The following GLRB variants were observed in gnomAD, a reference collection of about 807,000 sequenced individuals.
GLRB encodes the protein glycine receptor subunit beta.
A neutral mutation model predicts 54.2 loss-of-function variants in GLRB; 33 were observed. The observed-to-expected ratio is 0.61, with a 90% CI of 0.46 to 0.81. GLRB has a LOEUF of 0.81. GLRB is among the 40% of genes least tolerant of loss of function. The pLI, the probability that GLRB is intolerant of heterozygous loss-of-function variation, is 0.00. For synonymous variants in GLRB, 209 were observed against 208.2 expected (o/e 1.00, Z -0.03); for missense variants, 572 against 584.6 (o/e 0.98, Z 0.22).
intron 4 of GLRB, among the ~76,000 whole-genome samples, chr4:157,128,124 G>C (rs889505759): frequency 6.6e-6 from 1 of 151,756 alleles, no homozygotes; most frequent in African/African-American, 2.4e-5. Flanking sequence ...ATTTTATTGA[G>C]TAATTACTTA....
At chr4:157,084,687 C>G in intron 2 of GLRB, 1 of 456,034 alleles carries the variant, frequency 2.2e-6, no homozygotes, top group Non-Finnish European at 4.4e-6. Context: ...CATTGAATGA[C>G]AGCATTTTCA....
intron 2 of GLRB, among the ~76,000 whole-genome samples, chr4:157,098,616 C>CT (rs34690906): frequency 0.028 from 4,218 of 150,640 alleles, 79 homozygotes; most frequent in Non-Finnish European, 0.046. Context: ...CTTTTCTTTT[C>CT]TTTTTTTTTG....
At chr4:157,140,946 T>C (rs186677593) in intron 7 of GLRB, among the ~76,000 whole-genome samples, 1 of 152,026 alleles carries the variant, frequency 6.6e-6, no homozygotes, top group East Asian at 1.9e-4. Context: ...GTTCATTTTT[T>C]CACTTTTAAG....
intron 4 of GLRB, among the ~76,000 whole-genome samples, chr4:157,128,555 GC>G (rs1488169884): frequency 6.6e-6 from 1 of 151,812 alleles, no homozygotes; most frequent in Non-Finnish European, 1.5e-5. Context: ...TGTATTGGAT[GC>G]TTTTTATACT....
intron 4 of GLRB, among the ~76,000 whole-genome samples, chr4:157,135,173 G>A (rs1044772276): frequency 1.3e-5 from 2 of 152,048 alleles, no homozygotes; most frequent in East Asian, 3.9e-4. Context: ...TTAACAACAA[G>A]TATGTAAAAT....
chr4:157,125,078 T>A (rs1735969056), intron 4 of GLRB, among the ~76,000 whole-genome samples: 1 of 151,736 alleles, frequency 6.6e-6, no homozygotes, highest in Admixed American at 6.6e-5. Context: ...AAAGAAAAAA[T>A]TCATCTAGAC....
At chr4:157,078,637 T>G (rs150008849) in intron 2 of GLRB, among the ~76,000 whole-genome samples, 1 of 152,280 alleles carries the variant, frequency 6.6e-6, no homozygotes, top group Non-Finnish European at 1.5e-5. Context: ...ATTTTCTAAT[T>G]TAGTAATTGT....
Position 157,148,398 on chromosome 4 carries a change from C to T in GLRB, c.905-4320C>T, listed in dbSNP as rs188873134. ...GATTTTTAGCTATGTTTATTATTTCCTTTCTACTTACTTTGCATTTAATTT... is the reference window on the plus strand; with the variant it reads ...GATTTTTAGCTATGTTTATTATTTCTTTTCTACTTACTTTGCATTTAATTT... On this transcript the variant is annotated intron_variant, in intron 8 of 9. Transcript: ENST00000264428. Among the ~76,000 whole-genome samples the T allele has an allele frequency of 2.6e-4, 39 of 151,856 alleles. 1 individual carries two copies. In the East Asian group the frequency reaches 6.8e-3, roughly 26 times the overall value.
At chr4:157,141,347 T>C (rs867814005) in intron 7 of GLRB, among the ~76,000 whole-genome samples, 1 of 151,800 alleles carries the variant, frequency 6.6e-6, no homozygotes, top group South Asian at 2.1e-4. Context: ...TAATTAGAAA[T>C]CTAGTTAGAA....
At chr4:157,155,948 G>T (rs1737211429) in intron 9 of GLRB, among the ~76,000 whole-genome samples, 1 of 151,770 alleles carries the variant, frequency 6.6e-6, no homozygotes, top group Non-Finnish European at 1.5e-5. Flanking sequence ...TGATAGAATT[G>T]TCCCTGGGTA....
intron 9 of GLRB, among the ~76,000 whole-genome samples, chr4:157,166,856 G>A (rs2126632201): frequency 6.6e-6 from 1 of 151,956 alleles, no homozygotes. Context: ...TCTATAGTTT[G>A]AATAAACTGG....
Position 157,115,912 on chromosome 4 carries a change from A to T in GLRB, c.123-4644A>T, listed in dbSNP as rs941883651. Among the ~76,000 whole-genome samples the T allele has an allele frequency of 2.0e-5, 3 of 151,818 alleles. No individual in the cohort carries two copies. The South Asian group carries it at 6.2e-4, about 31-fold the overall frequency. On this transcript the variant is annotated intron_variant, in intron 2 of 9. Coordinates refer to ENST00000264428, the MANE Select transcript of GLRB (RefSeq NM_000824.5). ...TCTGAGACGGCCTCTGACAATTGTCATTGCATTTATTGCTCTATGGAGAAA... is the reference window on the plus strand; with the variant it reads ...TCTGAGACGGCCTCTGACAATTGTCTTTGCATTTATTGCTCTATGGAGAAA...
rs1737926227 is a variant in GLRB, at chr4:157,171,626, A to G, written c.*898A>G. On this transcript the variant is annotated 3_prime_UTR_variant, in exon 10 of 10. Coordinates refer to ENST00000264428, the MANE Select transcript of GLRB (RefSeq NM_000824.5). Reference sequence around the variant, plus strand: ...CCAAGGGGAAGTAATAAGTTGAAAAAGAAATCCATAACTATTAAAAGATTT... The same window carrying G: ...CCAAGGGGAAGTAATAAGTTGAAAAGGAAATCCATAACTATTAAAAGATTT... 6.6e-6 allele frequency: 1 copy of G among 152,358 alleles called. No homozygotes were observed. The highest frequency in any genetic ancestry group is 6.6e-5 in the Admixed American group (1 of 15,256). 9.4% of individuals were successfully genotyped at this position (152,358 alleles called of 1,614,324 possible).
At chr4:157,150,473 A>G (rs1736979848) in intron 8 of GLRB, among the ~76,000 whole-genome samples, 1 of 152,020 alleles carries the variant, frequency 6.6e-6, no homozygotes, top group Non-Finnish European at 1.5e-5. Context: ...TTTTAAAGAC[A>G]ATCCTTTCAT....
At position 157,171,664 on chromosome 4, in the gene GLRB, T is replaced by C. The variant is rs529405348; in HGVS notation, c.*936T>C. ...TATTAAAAGATTTTAACTTTTTTAT[T>C]TTATTAAAATGCTTGCATATTTTAA... On this transcript the variant is annotated 3_prime_UTR_variant, in exon 10 of 10. Transcript: ENST00000264428. 6.6e-6 allele frequency: 1 copy of C among 152,458 alleles called. No homozygotes were observed. Among genetic ancestry groups the C allele is most frequent in the East Asian group, 1.9e-4 (1 of 5,186 alleles). The allele number at this position is 152,458 out of a possible 1,614,324, so 9.4% of individuals were successfully genotyped here. A position where few individuals can be genotyped will look rare whatever the true frequency, so the allele number is the denominator to read the frequency against.
chr4:157,077,950 A>G (rs1734095636), intron 1 of GLRB, 46 bp from the exon 2 acceptor site: 4 of 1,285,980 alleles, frequency 3.1e-6, no homozygotes, highest in Non-Finnish European at 4.5e-6. Context: ...TCATATAGTT[A>G]TCATTTTCTT....
chr4:157,081,330 C>T (rs1734215584), intron 2 of GLRB, among the ~76,000 whole-genome samples: 2 of 152,170 alleles, frequency 1.3e-5, no homozygotes, highest in South Asian at 4.1e-4. Flanking sequence ...CATCTACTCA[C>T]TGTTAACTCC....
chr4:157,141,307 A>G (rs1736601599), intron 7 of GLRB, among the ~76,000 whole-genome samples: 1 of 151,938 alleles, frequency 6.6e-6, no homozygotes, highest in South Asian at 2.1e-4. Flanking sequence ...TATCATATGA[A>G]TATAAGTAAA....
chr4:157,102,110 C>G (rs1735053337), intron 2 of GLRB, among the ~76,000 whole-genome samples: 1 of 152,080 alleles, frequency 6.6e-6, no homozygotes, highest in African/African-American at 2.4e-5. Context: ...AGCAATAGCT[C>G]AAAAAGTCAT....
Sources: allele counts gnomAD v4.1 joint callset (sites outside exome capture counted in the v4.1 genomes callset), GRCh38; gene constraint gnomAD v4.1.1; transcripts MANE v1.5; gene names NCBI Gene and HGNC (gene_info 2026-07-23, HGNC 2026-07-21).